Variants in PAK2 observed in about 807,000 individuals in gnomAD.
PAK2 encodes p21 (RAC1) activated kinase 2.
A neutral mutation model predicts 65.9 loss-of-function variants in PAK2; 21 were observed. The observed-to-expected ratio is 0.32, with a 90% confidence interval of 0.23 to 0.46. The LOEUF (loss-of-function observed/expected upper bound fraction) is 0.46. Ranked by LOEUF, PAK2 falls within the 20% of genes least tolerant of loss-of-function variation. The probability of loss-of-function intolerance (pLI) is 1.00; values close to 1 mark genes in which losing one functional copy is unlikely to be tolerated. For synonymous variants in PAK2, 204 were observed against 219.7 expected, an observed-to-expected ratio of 0.93 and a Z score of 0.63; for missense variants, 324 against 642.6, an observed-to-expected ratio of 0.50 and a Z score of 5.36.
At position 196,805,350 on chromosome 3, in the gene PAK2, A is replaced by G. The variant is rs753951837; in HGVS notation, c.437-2A>G. On this transcript the variant is annotated splice_acceptor_variant, in intron 4 of 14. Transcript: ENST00000327134. LOFTEE classifies it high-confidence loss of function. ...TAATGTTATGTTTTGTTTCATATTCAGAGAAAGATGGCTTTCCTTCTGGAA... is the reference window on the plus strand; with the variant it reads ...TAATGTTATGTTTTGTTTCATATTCGGAGAAAGATGGCTTTCCTTCTGGAA... 2 of 1,428,666 alleles carry G rather than the reference A, an allele frequency of 1.4e-6. No individual in the cohort carries two copies. The highest frequency in any genetic ancestry group is 1.9e-6 in the Non-Finnish European group (2 of 1,046,714). The allele number at this position is 1,428,666 out of a possible 1,614,324, so 88.5% of individuals were successfully genotyped here.
At chr3:196,814,094 C>A (rs1189619476) in intron 10 of PAK2, among the ~76,000 whole-genome samples, 1 of 152,168 alleles carries the variant, frequency 6.6e-6, no homozygotes, top group Non-Finnish European at 1.5e-5. Context: ...TCTGTCACTT[C>A]CTATTAATAG....
intron 4 of PAK2, among the ~76,000 whole-genome samples, chr3:196,804,806 G>GAT (rs371990910): frequency 0.016 from 2,242 of 142,518 alleles, 23 homozygotes; most frequent in African/African-American, 0.038. Context: ...GTGTGTGTGT[G>GAT]ATATATATAT....
At chr3:196,798,081 T>C (rs1715312244) in intron 2 of PAK2, among the ~76,000 whole-genome samples, 1 of 151,848 alleles carries the variant, frequency 6.6e-6, no homozygotes, top group African/African-American at 2.4e-5. Flanking sequence ...CCAAAGTAAG[T>C]AGAAGAAAGG....
intron 13 of PAK2, among the ~76,000 whole-genome samples, chr3:196,822,588 C>T (rs1278492584): frequency 1.3e-5 from 2 of 152,090 alleles, no homozygotes; most frequent in Non-Finnish European, 1.5e-5. Flanking sequence ...TAATTGGAAC[C>T]ATCATCCTGC....
rs749419719 is a variant in PAK2, at chr3:196,827,177, G to T, written c.1351-19G>T. On this transcript the variant is annotated intron_variant, in intron 13 of 14. Transcript: ENST00000327134. ...GTTGAGCTATCTTAAGTGGATCAAA[G>T]ATGTTCTTCTATTTTTAGGCCTTGT... 8 of 1,563,610 alleles carry T rather than the reference G, an allele frequency of 5.1e-6. No homozygotes were observed. The South Asian group carries it at 9.1e-5, about 18-fold the overall frequency.
At chr3:196,776,041 T>C (rs944591299) in intron 1 of PAK2, among the ~76,000 whole-genome samples, 1 of 152,202 alleles carries the variant, frequency 6.6e-6, no homozygotes, top group African/African-American at 2.4e-5. Context: ...TGGAGTACGC[T>C]TTAAAGCAGC....
intron 1 of PAK2, among the ~76,000 whole-genome samples, chr3:196,756,479 G>A (rs979179486): frequency 1.8e-4 from 27 of 152,136 alleles, no homozygotes; most frequent in Admixed American, 4.6e-4. Flanking sequence ...GCTCCAAACT[G>A]AGACTTAACT....
At chr3:196,759,871 C>G (rs1040819793) in intron 1 of PAK2, among the ~76,000 whole-genome samples, 2 of 151,972 alleles carry the variant, frequency 1.3e-5, no homozygotes, top group African/African-American at 4.8e-5. Context: ...TACAGCCGTC[C>G]CCACTATCTA....
intron 1 of PAK2, among the ~76,000 whole-genome samples, chr3:196,775,455 T>C (rs1020044389): frequency 6.6e-6 from 1 of 152,134 alleles, no homozygotes; most frequent in African/African-American, 2.4e-5. Context: ...CGATCTCGGC[T>C]CACTGCAAGC....
At chr3:196,787,580 GA>G (rs58321910) in intron 2 of PAK2, among the ~76,000 whole-genome samples, 44,981 of 127,302 alleles carry the variant, frequency 0.35, 7,566 homozygotes, top group African/African-American at 0.47. Flanking sequence ...CTCCGTCTCA[GA>G]AAAAAAAAAA....
chr3:196,762,121 C>G (rs1713996816), intron 1 of PAK2, among the ~76,000 whole-genome samples: 1 of 128,556 alleles, frequency 7.8e-6, no homozygotes, highest in East Asian at 2.1e-4. Context: ...AGAGGCGTCC[C>G]CCACATCTCA....
chr3:196,772,760 C>T (rs938448137), intron 1 of PAK2, among the ~76,000 whole-genome samples: 8 of 140,142 alleles, frequency 5.7e-5, no homozygotes, highest in East Asian at 1.9e-4. Flanking sequence ...GTGTTTTTGA[C>T]GGGGCAGGTG....
intron 13 of PAK2, among the ~76,000 whole-genome samples, chr3:196,824,223 G>A (rs1209799891): frequency 4.6e-5 from 7 of 152,172 alleles, no homozygotes; most frequent in Admixed American, 4.6e-4. Context: ...TGTACATAGT[G>A]GATCTTGGTG....
At chr3:196,808,184 G>A (rs768207582) in intron 7 of PAK2, 24 of 266,888 alleles carry the variant, frequency 9.0e-5, no homozygotes, top group Non-Finnish European at 1.5e-4. Flanking sequence ...TGGATGTGCT[G>A]GCATGTGCCT....
rs1714335229 is a variant in PAK2 at position 196,770,754 on chromosome 3, C to G, written c.-21-11872C>G. On this transcript the variant is annotated intron_variant, in intron 1 of 14. Transcript: ENST00000327134. ...TCTCCTGCCTCAGCTTCCCGAGTAG[C>G]TGGGATTGCAGGCGCATGCCACCAC... Among the ~76,000 whole-genome samples the G allele has an allele frequency of 3.3e-5, 5 of 151,976 alleles. No homozygotes were observed. In the South Asian group the frequency reaches 1.0e-3, roughly 32 times the overall value.
intron 4 of PAK2, among the ~76,000 whole-genome samples, chr3:196,804,973 C>G (rs915532376): frequency 6.6e-6 from 1 of 152,038 alleles, no homozygotes; most frequent in Non-Finnish European, 1.5e-5. Context: ...TTAAGTTCCT[C>G]AGTCAGCAGT....
chr3:196,828,385 G>T lies in PAK2; in HGVS notation c.1555G>T (p.Ala519Ser). 6.2e-7 allele frequency: 1 copy of T among 1,605,066 alleles called. No individual in the cohort carries two copies. Among genetic ancestry groups the T allele is most frequent in the Non-Finnish European group, 8.5e-7 (1 of 1,172,530 alleles). Residue 519 changes from alanine to serine, a missense_variant, in exon 15 of 15, where the codon GCA (alanine) becomes TCA (serine). Ala to Ser is a moderately conservative substitution (Grantham distance 99). Coordinates refer to ENST00000327134, the MANE Select transcript of PAK2 (RefSeq NM_002577.4). The stretch of plus-strand genomic sequence containing the variant: ...ACCACTGATCATGGCAGCTAAAGAA[G>T]CAATGAAGAGTAACCGTTAACATCA... ...LTPLIMAAKE[A>S]MKSNR
At chr3:196,775,279 G>A (rs763934950) in intron 1 of PAK2, among the ~76,000 whole-genome samples, 6 of 152,124 alleles carry the variant, frequency 3.9e-5, no homozygotes, top group Non-Finnish European at 5.9e-5. Flanking sequence ...AAAAAGTTCC[G>A]AAAAACACAA....
chr3:196,801,825 C>T, intron 2 of PAK2, 102 bp from the exon 3 acceptor site: 1 of 663,478 alleles, frequency 1.5e-6, no homozygotes. Context: ...AAGAGCGAAA[C>T]TCCATTTAAA....
Sources: gnomAD v4.1 joint callset for allele counts (sites outside exome capture counted in the v4.1 genomes callset) on GRCh38, gnomAD v4.1.1 for gene constraint, MANE v1.5 for transcripts, NCBI Gene and HGNC (gene_info 2026-07-23, HGNC 2026-07-21) for gene names.